The following NELL2 variants were observed in gnomAD, a reference collection of about 807,000 sequenced individuals.
NELL2 encodes the protein neural EGFL like 2.
NELL2 carries 41 observed loss-of-function variants against 109.6 expected under a neutral mutation model. The observed-to-expected ratio is 0.37, with a 90% CI of 0.29 to 0.49. NELL2 has a LOEUF of 0.49. NELL2 is among the 20% of genes least tolerant of loss of function. NELL2 has a pLI of 0.98. For synonymous variants in NELL2, 355 were observed against 344.7 expected (o/e 1.03, Z -0.33); for missense variants, 900 against 1,008.3 (o/e 0.89, Z 1.45).
intron 3 of NELL2, among the ~76,000 whole-genome samples, chr12:44,793,154 T>C (rs1193780057): frequency 6.6e-6 from 1 of 152,140 alleles, no homozygotes; most frequent in Non-Finnish European, 1.5e-5. Context: ...TCCGTACATA[T>C]ATAACATATG....
chr12:44,520,143 G>A lies in NELL2; in HGVS notation c.2262C>T (p.Arg754=). The A allele has an allele frequency of 6.2e-7, 1 of 1,614,124 alleles. No homozygotes were observed. Among genetic ancestry groups the A allele is most frequent in the Non-Finnish European group, 8.5e-7 (1 of 1,180,016 alleles). The part of the protein sequence containing the change: ...SILPENECCP[R]CVTDPCQADT... Reference sequence around the variant, plus strand: ...CAGCCTGGCAAGGGTCTGTGACACAGCGCGGGCAGCACTCATTCTCTGGGA... The same window carrying A: ...CAGCCTGGCAAGGGTCTGTGACACAACGCGGGCAGCACTCATTCTCTGGGA... Residue 754 remains arginine, a synonymous_variant, in exon 19 of 20, where the codon CGC becomes CGT. Coordinates refer to ENST00000429094, the MANE Select transcript of NELL2 (RefSeq NM_001145108.2).
chr12:44,781,457 C>T (rs1160672498), intron 3 of NELL2, among the ~76,000 whole-genome samples: 1 of 151,916 alleles, frequency 6.6e-6, no homozygotes, highest in African/African-American at 2.4e-5. Context: ...AGAAAGGAGG[C>T]GAGCTTAAAA....
At chr12:44,771,695 T>C (rs187382163) in intron 9 of NELL2, among the ~76,000 whole-genome samples, 48 of 152,346 alleles carry the variant, frequency 3.2e-4, no homozygotes, top group African/African-American at 9.4e-4. Context: ...TTTATGTAGA[T>C]TCAACTAAAG....
chr12:44,645,825 T>C lies in NELL2; in HGVS notation c.1444+19659A>G, dbSNP rs374855999. 6.6e-5 allele frequency among the ~76,000 whole-genome samples: 10 copies of C among 152,264 alleles called. No homozygotes were observed. The South Asian group carries it at 1.7e-3, about 25-fold the overall frequency. On this transcript the variant is annotated intron_variant, in intron 13 of 19. Transcript: ENST00000429094. The stretch of plus-strand genomic sequence containing the variant: ...TCCCAGTTAGCATGTGATAGGTCTG[T>C]CTATACACTCCTTAATTCCTAACTC...
intron 9 of NELL2, among the ~76,000 whole-genome samples, chr12:44,748,800 C>T (rs572595720): frequency 1.3e-5 from 2 of 152,190 alleles, no homozygotes; most frequent in South Asian, 2.1e-4. Context: ...GATCAACTTT[C>T]CAAACTAAGT....
chr12:44,754,133 T>C (rs1592465440), intron 9 of NELL2, among the ~76,000 whole-genome samples: 1 of 152,032 alleles, frequency 6.6e-6, no homozygotes, highest in African/African-American at 2.4e-5. Flanking sequence ...TTAAAGCTAT[T>C]TGAAGAATTA....
intron 2 of NELL2, among the ~76,000 whole-genome samples, chr12:44,855,582 T>G (rs1719345814): frequency 6.6e-6 from 1 of 152,192 alleles, no homozygotes; most frequent in Non-Finnish European, 1.5e-5. Context: ...CTGGATGCAC[T>G]CCAGTTTGTC....
At chr12:44,596,530 G>C (rs1291423838) in intron 15 of NELL2, among the ~76,000 whole-genome samples, 1 of 152,142 alleles carries the variant, frequency 6.6e-6, no homozygotes, top group Non-Finnish European at 1.5e-5. Flanking sequence ...CTGAGCCATT[G>C]CTTGGTTTAC....
At chr12:44,724,584 C>T (rs1029104186) in intron 9 of NELL2, among the ~76,000 whole-genome samples, 3 of 151,918 alleles carry the variant, frequency 2.0e-5, no homozygotes, top group South Asian at 4.2e-4. Context: ...AATTACAAAA[C>T]ACTCCTCAAA....
chr12:44,761,158 T>G (rs891162255), intron 9 of NELL2, among the ~76,000 whole-genome samples: 1 of 152,130 alleles, frequency 6.6e-6, no homozygotes, highest in African/African-American at 2.4e-5. Flanking sequence ...GGTCGGGAGT[T>G]CAAGACTGGC....
At chr12:44,829,836 A>G (rs536239633) in intron 2 of NELL2, among the ~76,000 whole-genome samples, 1 of 152,296 alleles carries the variant, frequency 6.6e-6, no homozygotes, top group East Asian at 1.9e-4. Context: ...CAAAGTGTTC[A>G]TCTATTAAGA....
At chr12:44,579,634 C>T (rs1944252144) in intron 15 of NELL2, among the ~76,000 whole-genome samples, 1 of 152,194 alleles carries the variant, frequency 6.6e-6, no homozygotes, top group Non-Finnish European at 1.5e-5. Context: ...AGAATGCCTA[C>T]TAAATATGAC....
chr12:44,665,713 C>T, intron 12 of NELL2, 104 bp from the exon 13 acceptor site: 1 of 1,257,876 alleles, frequency 7.9e-7, no homozygotes, highest in South Asian at 2.2e-5. Flanking sequence ...AAATGAATAG[C>T]ATTTCAGAAA....
chr12:44,543,733 T>C (rs369264285), intron 15 of NELL2, among the ~76,000 whole-genome samples: 1 of 152,144 alleles, frequency 6.6e-6, no homozygotes, highest in Non-Finnish European at 1.5e-5. Context: ...TCAGTGTCAG[T>C]GATTCTAAGA....
At chr12:44,721,279 G>C (rs1337533702) in intron 9 of NELL2, among the ~76,000 whole-genome samples, 2 of 152,046 alleles carry the variant, frequency 1.3e-5, no homozygotes, top group African/African-American at 4.8e-5. Context: ...CCATATAACA[G>C]TCTATTAAAA....
chr12:44,709,327 T>C (rs936178260), intron 11 of NELL2, among the ~76,000 whole-genome samples: 3 of 152,130 alleles, frequency 2.0e-5, no homozygotes, highest in African/African-American at 4.8e-5. Context: ...AGTCTGATGA[T>C]TACCCTGCTG....
intron 15 of NELL2, among the ~76,000 whole-genome samples, chr12:44,576,832 G>C (rs1944105527): frequency 6.6e-6 from 1 of 151,388 alleles, no homozygotes; most frequent in African/African-American, 2.4e-5. Context: ...TACTGAGAAT[G>C]ATGATTTCCA....
chr12:44,613,699 T>A (rs183731415), intron 13 of NELL2, among the ~76,000 whole-genome samples: 1 of 152,212 alleles, frequency 6.6e-6, no homozygotes, highest in East Asian at 1.9e-4. Flanking sequence ...AAGAAAACCC[T>A]TTTTAAACGA....
rs1947893710 is a variant in NELL2, at chr12:44,665,524, G to A, written c.1404C>T (p.Cys468=). 4 of 1,613,468 alleles carry A rather than the reference G, an allele frequency of 2.5e-6. No individual in the cohort carries two copies. Among genetic ancestry groups the A allele is most frequent in the Non-Finnish European group, 3.4e-6 (4 of 1,179,474 alleles). ...CATCAATTCTGATGTATCCAGTTTT[G>A]CAGATGCACATAAAAGAACCCGGGG... The part of the protein sequence containing the change: ...VNTPGSFMCI[C]KTGYIRIDDY... Residue 468 remains cysteine, a synonymous_variant, in exon 13 of 20, where the codon TGC becomes TGT. Transcript: ENST00000429094.
Sources: gnomAD v4.1 joint callset for allele counts (sites outside exome capture counted in the v4.1 genomes callset) on GRCh38, gnomAD v4.1.1 for gene constraint, MANE v1.5 for transcripts, NCBI Gene and HGNC (gene_info 2026-07-23, HGNC 2026-07-21) for gene names.